LMAN2L: variants seen among roughly 807,000 people sequenced by gnomAD.
LMAN2L encodes the protein lectin, mannose binding 2 like.
LMAN2L carries 30 observed loss-of-function variants against 44.3 expected under a neutral mutation model. The ratio of observed to expected loss-of-function variants is 0.68; its 90% CI spans 0.51 to 0.92. The LOEUF (loss-of-function observed/expected upper bound fraction) is 0.92, where lower values mean the gene tolerates loss of function less well. Ranked by LOEUF, LMAN2L falls within the 40% of genes least tolerant of loss-of-function variation. The pLI is 0.00. For synonymous variants in LMAN2L, 183 were observed against 171.1 expected (o/e 1.07, Z -0.54); for missense variants, 429 against 446.1 (o/e 0.96, Z 0.35).
intron 6 of LMAN2L, among the ~76,000 whole-genome samples, chr2:96,710,945 C>T (rs909991974): frequency 2.0e-5 from 3 of 151,994 alleles, no homozygotes; most frequent in East Asian, 3.8e-4. Flanking sequence ...AGTGTATAAA[C>T]GAGAAGCTAC....
intron 2 of LMAN2L, chr2:96,737,365 C>T: frequency 2.9e-6 from 1 of 344,592 alleles, no homozygotes; most frequent in South Asian, 2.2e-5. Context: ...TAAGAGTACT[C>T]TCAACCAGGA....
chr2:96,737,633 T>TAATCTTCTTAC, intron 2 of LMAN2L, among the ~76,000 whole-genome samples: 1 of 152,288 alleles, frequency 6.6e-6, no homozygotes, highest in East Asian at 1.9e-4. Flanking sequence ...GGTCTTCTTA[T>TAATCTTCTTAC]AATCTTCTTA....
chr2:96,719,162 C>A (rs572086039), intron 4 of LMAN2L, among the ~76,000 whole-genome samples: 3 of 152,074 alleles, frequency 2.0e-5, no homozygotes, highest in Non-Finnish European at 4.4e-5. Flanking sequence ...GTCAATACTT[C>A]TTGTTAATGA....
At chr2:96,713,177 G>C in intron 4 of LMAN2L, 1 of 1,540,346 alleles carries the variant, frequency 6.5e-7, no homozygotes, top group Non-Finnish European at 8.8e-7. Context: ...AAACAAGAGA[G>C]GGCACAGAAG....
chr2:96,733,652 A>G (rs2078453324), intron 3 of LMAN2L, 51 bp from the exon 4 acceptor site: 2 of 1,426,142 alleles, frequency 1.4e-6, no homozygotes, highest in African/African-American at 1.4e-5. Context: ...AAGAGTTGAT[A>G]AAGGAATAAT....
At chr2:96,725,741 G>A (rs1161999676) in intron 4 of LMAN2L, among the ~76,000 whole-genome samples, 6 of 151,012 alleles carry the variant, frequency 4.0e-5, no homozygotes, top group South Asian at 2.1e-4. Flanking sequence ...CACCGCACCC[G>A]GCCAAATTTA....
chr2:96,712,960 C>T, intron 4 of LMAN2L: 1 of 679,604 alleles, frequency 1.5e-6, no homozygotes, highest in Non-Finnish European at 2.6e-6. Context: ...GTCCCTTTGT[C>T]CCAAATGGTT....
chr2:96,713,007 C>G, intron 4 of LMAN2L: 1 of 982,850 alleles, frequency 1.0e-6, no homozygotes, highest in Non-Finnish European at 1.6e-6. Flanking sequence ...GACCAGAGAC[C>G]GGGGACTCCT....
intron 4 of LMAN2L, among the ~76,000 whole-genome samples, chr2:96,725,780 C>T (rs1264238875): frequency 1.3e-5 from 2 of 151,560 alleles, no homozygotes; most frequent in African/African-American, 4.8e-5. Flanking sequence ...TTTTTGATAA[C>T]ACTGCAAATG....
At chr2:96,724,073 T>C (rs1461903103) in intron 4 of LMAN2L, among the ~76,000 whole-genome samples, 1 of 150,794 alleles carries the variant, frequency 6.6e-6, no homozygotes, top group African/African-American at 2.4e-5. Context: ...CACTCCAGCC[T>C]GGGAGACAGA....
At chr2:96,715,126 A>T (rs1274886398) in intron 4 of LMAN2L, among the ~76,000 whole-genome samples, 1 of 151,886 alleles carries the variant, frequency 6.6e-6, no homozygotes, top group Non-Finnish European at 1.5e-5. Flanking sequence ...TTTAGTAGAG[A>T]TGGGGTTTCA....
chr2:96,708,101 C>G (rs775375478), intron 6 of LMAN2L, among the ~76,000 whole-genome samples: 91 of 152,246 alleles, frequency 6.0e-4, no homozygotes, highest in Non-Finnish European at 9.8e-4. Context: ...AATTTTCCAA[C>G]TTTATGATGG....
At chr2:96,714,057 T>C (rs1207609388) in intron 4 of LMAN2L, among the ~76,000 whole-genome samples, 1 of 152,086 alleles carries the variant, frequency 6.6e-6, no homozygotes, top group East Asian at 1.9e-4. Flanking sequence ...CAGACAGGAA[T>C]GGAATTAAGA....
chr2:96,730,810 G>A (rs1330873935), intron 4 of LMAN2L, among the ~76,000 whole-genome samples: 1 of 152,164 alleles, frequency 6.6e-6, no homozygotes, highest in Non-Finnish European at 1.5e-5. Context: ...GAGTAGCTGG[G>A]ACTACAGAAG....
chr2:96,706,087 G>A lies in LMAN2L; in HGVS notation c.*1169C>T, dbSNP rs531928300. 1 of 152,736 alleles carries A rather than the reference G, an allele frequency of 6.5e-6. No homozygotes were observed. Among genetic ancestry groups the A allele is most frequent in the East Asian group, 1.9e-4 (1 of 5,192 alleles). The allele number at this position is 152,736 out of a possible 1,614,324, so 9.5% of individuals were successfully genotyped here. A position where few individuals can be genotyped will look rare whatever the true frequency, so the allele number is the denominator to read the frequency against. On this transcript the variant is annotated 3_prime_UTR_variant, in exon 8 of 8. Transcript: ENST00000264963. ...GTAACCCCTTGTCAAATAAGGCAGTGGAATAAGGGTTGACAGAGGCCAGCA... is the reference window on the plus strand; with the variant it reads ...GTAACCCCTTGTCAAATAAGGCAGTAGAATAAGGGTTGACAGAGGCCAGCA...
At position 96,739,840 on chromosome 2, in the gene LMAN2L, C is replaced by T. The variant is rs1326029665; in HGVS notation, c.187+14G>A. 1.9e-6 allele frequency: 3 copies of T among 1,612,570 alleles called. No individual in the cohort carries two copies. The highest frequency in any genetic ancestry group is 3.3e-5 in the Admixed American group (2 of 60,008). On this transcript the variant is annotated intron_variant, in intron 1 of 7. Coordinates refer to ENST00000264963, the MANE Select transcript of LMAN2L (RefSeq NM_030805.4). ...CCGCCCCACTGCACGACCACCTCAC[C>T]CTGGGCGCCTCACCCTGGTAGGGCT...
chr2:96,729,003 T>A (rs939230122), intron 4 of LMAN2L, among the ~76,000 whole-genome samples: 1 of 151,870 alleles, frequency 6.6e-6, no homozygotes, highest in African/African-American at 2.4e-5. Flanking sequence ...AAACCCCATG[T>A]CTACTAAAAA....
intron 4 of LMAN2L, among the ~76,000 whole-genome samples, chr2:96,723,319 C>T (rs1371967851): frequency 6.6e-6 from 1 of 152,210 alleles, no homozygotes; most frequent in Admixed American, 6.5e-5. Flanking sequence ...TTTCAAGCTT[C>T]TTGGCCACTT....
intron 6 of LMAN2L, among the ~76,000 whole-genome samples, chr2:96,711,134 C>G (rs369168780): frequency 6.6e-6 from 1 of 152,112 alleles, no homozygotes; most frequent in East Asian, 1.9e-4. Context: ...AACAGAATGA[C>G]CTTTCATGAG....
Sources: allele counts gnomAD v4.1 joint callset (sites outside exome capture counted in the v4.1 genomes callset), GRCh38; gene constraint gnomAD v4.1.1; transcripts MANE v1.5; gene names NCBI Gene and HGNC (gene_info 2026-07-23, HGNC 2026-07-21).